The following SCD5 variants were observed in gnomAD, a reference collection of about 807,000 sequenced individuals.
SCD5 encodes acyl-CoA-desaturase 4.
In SCD5, 20 loss-of-function variants were observed where a neutral mutation model predicts 30.4. The ratio of observed to expected loss-of-function variants is 0.66; its 90% CI spans 0.46 to 0.96. SCD5 has a LOEUF of 0.96. Ranked by LOEUF, SCD5 falls within the 40% of genes least tolerant of loss-of-function variation. The probability of loss-of-function intolerance (pLI) is 0.00; values close to 1 mark genes in which losing one functional copy is unlikely to be tolerated. For synonymous variants in SCD5, 173 were observed against 176.4 expected (o/e 0.98, Z 0.16); for missense variants, 381 against 443.3 (o/e 0.86, Z 1.26).
intron 1 of SCD5, among the ~76,000 whole-genome samples, chr4:82,795,581 G>T (rs1254335840): frequency 1.3e-5 from 2 of 152,028 alleles, no homozygotes; most frequent in Non-Finnish European, 1.5e-5. Context: ...TGTAATCCCA[G>T]TACTTTGGGA....
intron 3 of SCD5, among the ~76,000 whole-genome samples, chr4:82,676,474 A>G (rs1728438843): frequency 6.6e-6 from 1 of 152,158 alleles, no homozygotes; most frequent in Non-Finnish European, 1.5e-5. Flanking sequence ...CTGTCCCATT[A>G]GGTGGATATC....
chr4:82,705,118 T>C (rs1321154522), intron 2 of SCD5, among the ~76,000 whole-genome samples, 165 bp downstream of exon 2: 1 of 152,212 alleles, frequency 6.6e-6, no homozygotes, highest in Non-Finnish European at 1.5e-5. Context: ...TTTTACTGTA[T>C]CTAAAAGCTA....
chr4:82,658,505 T>C (rs1285787002), intron 3 of SCD5, among the ~76,000 whole-genome samples: 1 of 146,836 alleles, frequency 6.8e-6, no homozygotes, highest in Non-Finnish European at 1.5e-5. Context: ...TCTTGCTGTG[T>C]CACCAGGCTG....
chr4:82,748,119 A>T (rs1236202782), intron 1 of SCD5, among the ~76,000 whole-genome samples: 1 of 152,244 alleles, frequency 6.6e-6, no homozygotes, highest in Non-Finnish European at 1.5e-5. Context: ...GGAGGAATTT[A>T]ATCAGTTCCT....
chr4:82,700,666 A>G (rs2148826358), intron 2 of SCD5, among the ~76,000 whole-genome samples: 1 of 152,138 alleles, frequency 6.6e-6, no homozygotes, highest in South Asian at 2.1e-4. Flanking sequence ...ATGTGCCTAT[A>G]GTCCTAGCTA....
intron 1 of SCD5, among the ~76,000 whole-genome samples, chr4:82,740,642 A>G (rs1720852590): frequency 6.6e-6 from 1 of 152,270 alleles, no homozygotes; most frequent in African/African-American, 2.4e-5. Context: ...CCAGTTCCCA[A>G]TGTGTGGTCT....
intron 1 of SCD5, among the ~76,000 whole-genome samples, chr4:82,721,733 T>C (rs1720374067): frequency 6.6e-6 from 1 of 152,236 alleles, no homozygotes; most frequent in African/African-American, 2.4e-5. Flanking sequence ...CACCTGCATC[T>C]TGAACTTCTA....
intron 1 of SCD5, among the ~76,000 whole-genome samples, chr4:82,732,597 G>C (rs140238782): frequency 6.6e-6 from 1 of 152,316 alleles, no homozygotes; most frequent in African/African-American, 2.4e-5. Context: ...CTTGTGCCTT[G>C]AGTTGCTGGG....
At chr4:82,703,319 C>T (rs910970809) in intron 2 of SCD5, among the ~76,000 whole-genome samples, 32 of 152,164 alleles carry the variant, frequency 2.1e-4, no homozygotes, top group African/African-American at 7.7e-4. Flanking sequence ...TTCTATATGA[C>T]AGACATTAGC....
At chr4:82,776,346 GA>G (rs1249329309) in intron 1 of SCD5, among the ~76,000 whole-genome samples, 9 of 152,068 alleles carry the variant, frequency 5.9e-5, no homozygotes, top group East Asian at 5.8e-4. Flanking sequence ...GTTTGCATGT[GA>G]AAAAAAGATC....
chr4:82,760,784 C>T (rs1034135651), intron 1 of SCD5, among the ~76,000 whole-genome samples: 2 of 152,160 alleles, frequency 1.3e-5, no homozygotes, highest in Admixed American at 1.3e-4. Flanking sequence ...TTGGGGCATA[C>T]GCCACCTTGT....
At chr4:82,647,362 ATAAG>A (rs1727653906) in intron 3 of SCD5, among the ~76,000 whole-genome samples, 2 of 152,208 alleles carry the variant, frequency 1.3e-5, no homozygotes, top group South Asian at 4.1e-4. Context: ...CAACTCAATA[ATAAG>A]CTACACACCA....
intron 1 of SCD5, among the ~76,000 whole-genome samples, chr4:82,738,618 T>C (rs1720804439): frequency 6.6e-6 from 1 of 152,194 alleles, no homozygotes; most frequent in Non-Finnish European, 1.5e-5. Context: ...TCCTTCACCT[T>C]AGCCAACTCC....
intron 3 of SCD5, among the ~76,000 whole-genome samples, chr4:82,655,368 A>T (rs1317138408): frequency 6.6e-6 from 1 of 152,232 alleles, no homozygotes. Flanking sequence ...AGATGGTATT[A>T]GTGGCCACAA....
chr4:82,697,491 T>G (rs902061067), intron 2 of SCD5, among the ~76,000 whole-genome samples: 2 of 152,182 alleles, frequency 1.3e-5, no homozygotes, highest in East Asian at 3.9e-4. Context: ...TCTGTCTAAT[T>G]ACCCTCTTGC....
In SCD5 at chr4:82,705,283, C is replaced by T; in HGVS notation, c.363G>A (p.Gln121=). 1 of 1,614,158 alleles carries T rather than the reference C, an allele frequency of 6.2e-7. No individual in the cohort carries two copies. The highest frequency in any genetic ancestry group is 8.5e-7 in the Non-Finnish European group (1 of 1,179,986). Residue 121 remains glutamine (Q), a splice_region_variant and synonymous_variant, in exon 2 of 5, where the codon CAG becomes CAA. Transcript: ENST00000319540. ...CACAGAGAGGACCCTCCATCCTCAC[C>T]TGGAAAGCCATGGAGTTGGCGACAG... is the stretch of plus-strand genomic sequence containing the variant. ...FLAVANSMAF[Q]NDIFEWSRDH...
intron 1 of SCD5, among the ~76,000 whole-genome samples, chr4:82,797,573 C>A (rs13103483): frequency 0.73 from 109,820 of 151,462 alleles, 40,905 homozygotes; most frequent in Admixed American, 0.81. Flanking sequence ...CCACTGGCCA[C>A]ATGGGAACAG....
intron 3 of SCD5, among the ~76,000 whole-genome samples, chr4:82,653,589 C>T (rs1727800161): frequency 6.6e-6 from 1 of 151,500 alleles, no homozygotes; most frequent in Non-Finnish European, 1.5e-5. Flanking sequence ...AAATATTGGC[C>T]CTCTGCTTGT....
intron 1 of SCD5, among the ~76,000 whole-genome samples, chr4:82,750,893 T>TC (rs1285101627): frequency 6.6e-6 from 1 of 152,148 alleles, no homozygotes; most frequent in Non-Finnish European, 1.5e-5. Flanking sequence ...TTCCCAGAGT[T>TC]CCCCAACTAG....
Sources: allele counts gnomAD v4.1 joint callset (sites outside exome capture counted in the v4.1 genomes callset), GRCh38; gene constraint gnomAD v4.1.1; transcripts MANE v1.5; gene names NCBI Gene and HGNC (gene_info 2026-07-23, HGNC 2026-07-21).